The following ATG2B variants were observed in gnomAD, a reference collection of about 807,000 sequenced individuals.
The protein encoded by ATG2B is autophagy-related protein 2 homolog B.
ATG2B carries 121 observed loss-of-function variants against 241.3 expected under a neutral mutation model. That is an observed-to-expected ratio of 0.50 (90% CI 0.43 to 0.58). ATG2B has a LOEUF of 0.58. Ranked by LOEUF, ATG2B falls within the 20% of genes least tolerant of loss-of-function variation. The probability of loss-of-function intolerance (pLI) is 0.00; values close to 1 mark genes in which losing one functional copy is unlikely to be tolerated. For missense variants in ATG2B, 2,306 were observed against 2,491.6 expected (o/e 0.93, Z 1.59); for synonymous variants, 858 against 876.6 (o/e 0.98, Z 0.37).
chr14:96,290,241 G>T lies in ATG2B; in HGVS notation c.5856+195C>A. ...GAAATAGGCAAACAAATCTGACACTGTATTCCACTGCTTTATTCTAATTAT... is the reference window on the plus strand; with the variant it reads ...GAAATAGGCAAACAAATCTGACACTTTATTCCACTGCTTTATTCTAATTAT... On this transcript the variant is annotated intron_variant, in intron 40 of 41. Transcript: ENST00000359933. This position sits in a 1 kb window ranked among gnomAD's most constrained non-coding sequence, Gnocchi z 4.4. The T allele has an allele frequency of 8.1e-7, 1 of 1,236,326 alleles. No homozygotes were observed. The highest frequency in any genetic ancestry group is 1.1e-6 in the Non-Finnish European group (1 of 946,642). The allele number at this position is 1,236,326 out of a possible 1,614,324, so 76.6% of individuals were successfully genotyped here.
At position 96,290,121 on chromosome 14, in the gene ATG2B, T is replaced by G. The variant is rs1886444751; in HGVS notation, c.5856+315A>C. 1.2e-5 allele frequency: 15 copies of G among 1,243,530 alleles called. No individual in the cohort carries two copies. The East Asian group carries it at 5.7e-4, about 47-fold the overall frequency. The allele number at this position is 1,243,530 out of a possible 1,614,324, so 77.0% of individuals were successfully genotyped here. A position where few individuals can be genotyped will look rare whatever the true frequency, so the allele number is the denominator to read the frequency against. On this transcript the variant is annotated intron_variant, in intron 40 of 41. Transcript: ENST00000359933. The surrounding 1 kb of genome is among the most constrained non-coding windows in gnomAD (Gnocchi z 4.4). The stretch of plus-strand genomic sequence containing the variant: ...CTAGAATGATCTTTAATACTTCTGT[T>G]TAATCTACAACGCCTTCTTCAAATT...
chr14:96,291,973 G>A, intron 37 of ATG2B, 56 bp downstream of exon 37: 1 of 1,186,834 alleles, frequency 8.4e-7, no homozygotes, highest in Non-Finnish European at 1.2e-6. Flanking sequence ...ATAAAAACGA[G>A]CTCATTAGAG....
chr14:96,360,209 C>G (rs913078984), intron 1 of ATG2B, among the ~76,000 whole-genome samples: 5 of 152,226 alleles, frequency 3.3e-5, no homozygotes, highest in Non-Finnish European at 5.9e-5. Flanking sequence ...GAGAAGAATT[C>G]TCCACTGACT....
rs1359944045 is a variant in ATG2B at position 96,311,151 on chromosome 14, T to A, written c.4127A>T (p.Asp1376Val). 2.5e-6 allele frequency: 4 copies of A among 1,613,726 alleles called. No homozygotes were observed. The highest frequency in any genetic ancestry group is 3.4e-6 in the Non-Finnish European group (4 of 1,179,790). Residue 1376 changes from aspartate (D) to valine (V), a missense_variant, in exon 28 of 42, where the codon GAT becomes GTT. Coordinates refer to ENST00000359933, the MANE Select transcript of ATG2B (RefSeq NM_018036.7). ...YGDLQTPNKA[D>V]MKPGAFQRRS... ...TCTTTGAAAGGCTCCAGGCTTCATA[T>A]CTGCCTTGTTAGGTGTCTGCAAGTC... is the stretch of plus-strand genomic sequence containing the variant.
At chr14:96,325,587 A>T in intron 15 of ATG2B, 62 bp downstream of exon 15, 1 of 1,473,468 alleles carries the variant, frequency 6.8e-7, no homozygotes, top group Non-Finnish European at 9.2e-7. Context: ...TTGTGATGTT[A>T]AGTTTCAGTA....
intron 6 of ATG2B, among the ~76,000 whole-genome samples, chr14:96,338,267 T>C (rs575562633): frequency 6.6e-6 from 1 of 152,272 alleles, no homozygotes; most frequent in South Asian, 2.1e-4. Flanking sequence ...CCAATTTGGA[T>C]GTCCTTTATT....
intron 18 of ATG2B, chr14:96,318,407 T>C (rs1887373720): frequency 6.6e-6 from 1 of 152,174 alleles, no homozygotes; most frequent in African/African-American, 2.4e-5. Context: ...AGTGGAAAAA[T>C]GGGGATGAAA....
chr14:96,352,615 A>T (rs1022904177), intron 1 of ATG2B, among the ~76,000 whole-genome samples: 2 of 147,814 alleles, frequency 1.4e-5, no homozygotes, highest in South Asian at 2.4e-4. Context: ...TTTAAAAATT[A>T]AAAAAAAAAA....
Position 96,302,087 on chromosome 14 carries a change from C to A in ATG2B, c.5059G>T (p.Val1687Leu), listed in dbSNP as rs146815375. Residue 1687 changes from valine to leucine, a missense_variant, in exon 34 of 42, where the codon GTG becomes TTG. Val to Leu is a conservative substitution (Grantham distance 32). Transcript: ENST00000359933. ...SNMLTVKALH[V>L]CPESGRSPQE... ...GGGGACCTGCCAGATTCTGGACACACGTGTAAGGCTTTCACTGTCAACTAC... is the reference window on the plus strand; with the variant it reads ...GGGGACCTGCCAGATTCTGGACACAAGTGTAAGGCTTTCACTGTCAACTAC... The A allele has an allele frequency of 4.3e-6, 7 of 1,613,412 alleles. No individual in the cohort carries two copies. The highest frequency in any genetic ancestry group is 5.9e-6 in the Non-Finnish European group (7 of 1,179,580).
In ATG2B at chr14:96,290,412, GA is replaced by G. The variant is rs763064757; in HGVS notation, c.5856+23del. On this transcript the variant is annotated intron_variant, in intron 40 of 41. Transcript: ENST00000359933. The surrounding 1 kb of genome is among the most constrained non-coding windows in gnomAD (Gnocchi z 4.4). ...ATTTCACAATGGCTCTTTTTGGATAGACTAAGGCAGTCTAAAAAGATACCTG... is the reference window on the plus strand; with the variant it reads ...ATTTCACAATGGCTCTTTTTGGATAGCTAAGGCAGTCTAAAAAGATACCTG... The G allele has an allele frequency of 1.1e-5, 17 of 1,612,292 alleles. No homozygotes were observed. The highest frequency in any genetic ancestry group is 1.4e-5 in the Non-Finnish European group (17 of 1,178,906).
rs1196879402 is a variant in ATG2B, at chr14:96,316,576, G to A, written c.3318C>T (p.His1106=). The change falls in exon 21 of 42, where the codon CAC becomes CAT. Residue 1106 remains histidine, a synonymous_variant. Transcript: ENST00000359933. ...VTKYEGFDDK[H]YICLHSSSFS... ...AACTGCTAGAATGAAGGCAAATGTA[G>A]TGCTTGTCATCAAAACCTTCATATT... 1 of 1,613,688 alleles carries A rather than the reference G, an allele frequency of 6.2e-7. No individual in the cohort carries two copies. Among genetic ancestry groups the A allele is most frequent in the Non-Finnish European group, 8.5e-7 (1 of 1,179,830 alleles).
chr14:96,358,671 T>C (rs954894763), intron 1 of ATG2B, among the ~76,000 whole-genome samples: 1 of 151,982 alleles, frequency 6.6e-6, no homozygotes, highest in Non-Finnish European at 1.5e-5. Flanking sequence ...CTATAGTATA[T>C]GAGTAGTAAA....
intron 33 of ATG2B, among the ~76,000 whole-genome samples, chr14:96,302,667 C>A (rs531460821): frequency 1.3e-5 from 2 of 152,214 alleles, no homozygotes; most frequent in East Asian, 3.9e-4. Context: ...TTTACTGAAA[C>A]CCTGAAGCTA....
At chr14:96,286,023 GAACA>G in intron 41 of ATG2B, 38 bp from the exon 42 acceptor site, 1 of 1,540,396 alleles carries the variant, frequency 6.5e-7, no homozygotes, top group Non-Finnish European at 8.9e-7. Context: ...GGAGGGCAGT[GAACA>G]AACTCTGGTC....
Position 96,341,502 on chromosome 14 carries a change from A to C in ATG2B, c.924+20T>G. On this transcript the variant is annotated intron_variant, in intron 6 of 41. Coordinates refer to ENST00000359933, the MANE Select transcript of ATG2B (RefSeq NM_018036.7). ...TACTTTTATTTTGGTTTTACTACAG[A>C]AAGTGAAACAAACACTGACCTTAGC... is the stretch of plus-strand genomic sequence containing the variant. 6.5e-7 allele frequency: 1 copy of C among 1,544,446 alleles called. No individual in the cohort carries two copies. Among genetic ancestry groups the C allele is most frequent in the South Asian group, 1.3e-5 (1 of 78,580 alleles).
At chr14:96,351,317 G>C (rs1214884281) in intron 1 of ATG2B, among the ~76,000 whole-genome samples, 1 of 152,158 alleles carries the variant, frequency 6.6e-6, no homozygotes, top group Non-Finnish European at 1.5e-5. Flanking sequence ...AAGTTTTTAT[G>C]TTTGCTGGGT....
chr14:96,333,564 T>A (rs1470391260), intron 8 of ATG2B, 124 bp downstream of exon 8: 8 of 858,568 alleles, frequency 9.3e-6, no homozygotes, highest in Non-Finnish European at 1.4e-5. Flanking sequence ...GTTGTGGATT[T>A]CTTACAATGT....
chr14:96,332,356 C>T lies in ATG2B; in HGVS notation c.1417G>A (p.Gly473Arg). The change falls in exon 10 of 42, where the codon GGG (glycine) becomes AGG (arginine). Residue 473 changes from glycine to arginine, a missense_variant. Physicochemically the swap from Gly to Arg is moderately radical, Grantham distance 125 (BLOSUM62 -2). Around this residue, in one of 2 missense-constraint regions of ATG2B, gnomAD observed 1,927 missense variants for 2,011.2 expected, o/e 0.96. Coordinates refer to ENST00000359933, the MANE Select transcript of ATG2B (RefSeq NM_018036.7). ...LDHHKEQPVR[G>R]STFPSNLVHP... The stretch of plus-strand genomic sequence containing the variant: ...ACTAGGTTGGATGGAAATGTTGACC[C>T]TCTTACTGGCTGTTCTTTATGATGA... 1 of 1,613,850 alleles carries T rather than the reference C, an allele frequency of 6.2e-7. No homozygotes were observed. Among genetic ancestry groups the T allele is most frequent in the Non-Finnish European group, 8.5e-7 (1 of 1,179,824 alleles).
intron 1 of ATG2B, among the ~76,000 whole-genome samples, chr14:96,357,311 T>G (rs1008395601): frequency 6.6e-6 from 1 of 152,204 alleles, no homozygotes; most frequent in Non-Finnish European, 1.5e-5. Flanking sequence ...TTCGGCCTTT[T>G]TTGTTTCTCA....
Sources: gnomAD v4.1 joint callset for allele counts (sites outside exome capture counted in the v4.1 genomes callset) on GRCh38, gnomAD v4.1.1 for gene constraint, gnomAD v4.1.1 regional missense constraint, Gnocchi (gnomAD v3.1) non-coding constraint, MANE v1.5 for transcripts, NCBI Gene and HGNC (gene_info 2026-07-23, HGNC 2026-07-21) for gene names.